Variants in RYR2 observed in about 807,000 individuals in gnomAD.
RYR2 encodes the protein ryanodine receptor 2, also known as cardiac muscle ryanodine receptor-calcium release channel.
Under a neutral mutation model 601.1 loss-of-function variants are expected in RYR2, and 227 were observed. The observed-to-expected ratio is 0.38, with a 90% CI of 0.34 to 0.42. RYR2 has a LOEUF of 0.42. Ranked by LOEUF, RYR2 falls within the 10% of genes least tolerant of loss-of-function variation. The pLI is 1.00. For synonymous variants in RYR2, 2,223 were observed against 2,175.1 expected, an observed-to-expected ratio of 1.02 and a Z score of -0.61; for missense variants, 4,646 against 6,156.5, an observed-to-expected ratio of 0.75 and a Z score of 8.21.
intron 47 of RYR2, among the ~76,000 whole-genome samples, chr1:237,641,546 T>TA (rs1681542679): frequency 6.8e-6 from 1 of 147,296 alleles, no homozygotes; most frequent in Non-Finnish European, 1.5e-5. Flanking sequence ...TTTTCTCTCT[T>TA]TTTTTTTTTA....
At chr1:237,608,802 T>TG (rs889617057) in intron 35 of RYR2, among the ~76,000 whole-genome samples, 5 of 123,422 alleles carry the variant, frequency 4.1e-5, no homozygotes, top group African/African-American at 2.4e-4. Flanking sequence ...ACCTGTTTTT[T>TG]TTTTTTTTTT....
At chr1:237,054,040 A>G (rs1013348258) in intron 1 of RYR2, among the ~76,000 whole-genome samples, 1 of 152,224 alleles carries the variant, frequency 6.6e-6, no homozygotes, top group Non-Finnish European at 1.5e-5. Flanking sequence ...GGTTAATTGC[A>G]TTAATACAGA....
intron 98 of RYR2, among the ~76,000 whole-genome samples, chr1:237,804,671 AGTATTATTAGGT>A (rs558829593): frequency 2.2e-4 from 33 of 152,286 alleles, no homozygotes; most frequent in African/African-American, 7.2e-4. Flanking sequence ...CAGTACCAAT[AGTATTATTAGGT>A]GTATTATAGC....
At chr1:237,468,244 G>A (rs936677752) in intron 16 of RYR2, among the ~76,000 whole-genome samples, 1 of 152,092 alleles carries the variant, frequency 6.6e-6, no homozygotes, top group Admixed American at 6.5e-5. Context: ...CCATCCTCTT[G>A]TAAGCAATTA....
chr1:237,630,354 C>A (rs1350805813), intron 41 of RYR2, among the ~76,000 whole-genome samples: 1 of 152,106 alleles, frequency 6.6e-6, no homozygotes, highest in East Asian at 1.9e-4. Context: ...CCCTTGTTTA[C>A]CTTAGTTTGT....
chr1:237,665,347 C>G lies in RYR2; in HGVS notation c.8437-1165C>G, dbSNP rs533709816. 1.1e-4 allele frequency among the ~76,000 whole-genome samples: 14 copies of G among 132,904 alleles called. No homozygotes were observed. In the East Asian group the frequency reaches 2.9e-3, roughly 28 times the overall value. The allele number at this position is 132,904 out of a possible 152,430, so 87.2% of individuals were successfully genotyped here. A position where few individuals can be genotyped will look rare whatever the true frequency, so the allele number is the denominator to read the frequency against. ...CTGGGAGGCAGAGGTTGCAGCGAGTCAAGATCGTGCCACTGCACTCCAGCC... is the reference window on the plus strand; with the variant it reads ...CTGGGAGGCAGAGGTTGCAGCGAGTGAAGATCGTGCCACTGCACTCCAGCC... On this transcript the variant is annotated intron_variant, in intron 56 of 104. Transcript: ENST00000366574.
chr1:237,739,887 A>G (rs1691464029), intron 79 of RYR2, among the ~76,000 whole-genome samples: 1 of 152,220 alleles, frequency 6.6e-6, no homozygotes, highest in South Asian at 2.1e-4. Context: ...TTACTGTGTT[A>G]TGTATTCGTG....
chr1:237,501,086 C>T (rs189867640), intron 21 of RYR2, among the ~76,000 whole-genome samples, 183 bp downstream of exon 21: 1 of 151,816 alleles, frequency 6.6e-6, no homozygotes, highest in Non-Finnish European at 1.5e-5. Context: ...GGGCATCCTG[C>T]AAGGCTGAAT....
intron 1 of RYR2, among the ~76,000 whole-genome samples, chr1:237,126,443 T>C (rs901542855): frequency 2.6e-5 from 4 of 152,140 alleles, no homozygotes; most frequent in Admixed American, 2.6e-4. Context: ...GAGCCCTCCA[T>C]GCCCCTCTTG....
intron 25 of RYR2, among the ~76,000 whole-genome samples, chr1:237,539,008 TA>T (rs1483528269): frequency 2.6e-5 from 4 of 152,130 alleles, no homozygotes; most frequent in Non-Finnish European, 4.4e-5. Flanking sequence ...CGGATGACTT[TA>T]AAGGTCCATT....
At chr1:237,309,961 C>T (rs1694361356) in intron 2 of RYR2, among the ~76,000 whole-genome samples, 3 of 152,204 alleles carry the variant, frequency 2.0e-5, no homozygotes. Context: ...GCACAAGCGC[C>T]ACGCGCAGCT....
At chr1:237,502,098 T>C (rs1347039033) in intron 21 of RYR2, among the ~76,000 whole-genome samples, 2 of 152,122 alleles carry the variant, frequency 1.3e-5, no homozygotes, top group African/African-American at 4.8e-5. Context: ...CTGGAGGCTG[T>C]AGTAACCTGT....
At chr1:237,381,512 C>T (rs72765933) in intron 8 of RYR2, among the ~76,000 whole-genome samples, 2,642 of 152,212 alleles carry the variant, frequency 0.017, 58 homozygotes, top group Non-Finnish European at 0.02. Flanking sequence ...TTTTACAACT[C>T]CTTGGTGATC....
Position 237,610,809 on chromosome 1 carries a change from C to T in RYR2, c.4731C>T (p.Asn1577=), listed in dbSNP as rs1677763044. The T allele has an allele frequency of 1.2e-6, 2 of 1,611,028 alleles. No individual in the cohort carries two copies. Among genetic ancestry groups the T allele is most frequent in the South Asian group, 1.1e-5 (1 of 90,434 alleles). The change falls in exon 36 of 105, where the codon AAC becomes AAT. Residue 1577 remains asparagine (N), a synonymous_variant. Transcript: ENST00000366574. The surrounding 1 kb of genome is among the most constrained non-coding windows in gnomAD (Gnocchi z 4.9). ...GATTATTCAAGAGTGAGCACAAGAA[C>T]CCCGTGCCGCAGTGCCCCCCGCGCC... The part of the protein sequence containing the change: ...SAGLFKSEHK[N]PVPQCPPRLH...
intron 1 of RYR2, among the ~76,000 whole-genome samples, chr1:237,097,116 T>A (rs1025167532): frequency 2.6e-5 from 4 of 152,242 alleles, no homozygotes; most frequent in African/African-American, 9.6e-5. Flanking sequence ...AACTTCTAGA[T>A]GGCATATATT....
rs560404021 is a variant in RYR2 at position 237,816,603 on chromosome 1, C to T, written c.14434-2433C>T. ...ACTTGGGAGGCTGAGGCAGGAGAATCGCTTGAACCCAGGAGGCGGAGGTTG... is the reference window on the plus strand; with the variant it reads ...ACTTGGGAGGCTGAGGCAGGAGAATTGCTTGAACCCAGGAGGCGGAGGTTG... On this transcript the variant is annotated intron_variant, in intron 100 of 104. Transcript: ENST00000366574. Among the ~76,000 whole-genome samples, 33 of 151,684 alleles carry T rather than the reference C, an allele frequency of 2.2e-4. 1 individual carries two copies. The East Asian group carries it at 5.8e-3, about 27-fold the overall frequency.
chr1:237,203,403 G>C (rs1479577409), intron 1 of RYR2, among the ~76,000 whole-genome samples: 2 of 152,162 alleles, frequency 1.3e-5, no homozygotes, highest in African/African-American at 2.4e-5. Flanking sequence ...TAGAGGAAAT[G>C]AGTATTTTCA....
Position 237,111,444 on chromosome 1 carries a change from C to T in RYR2, c.48+68875C>T, listed in dbSNP as rs182048692. On this transcript the variant is annotated intron_variant, in intron 1 of 104. Transcript: ENST00000366574. ...CTCTACCAAAAATACAAAAATTAGC[C>T]GGGCGCGGTGGCAGGTGCCTGTTGT... Among the ~76,000 whole-genome samples the T allele has an allele frequency of 1.1e-3, 174 of 152,100 alleles. 3 individuals are homozygous for T. The highest frequency in any genetic ancestry group is 2.0e-3 in the Non-Finnish European group (134 of 67,990).
At chr1:237,430,290 A>G (rs1250992288) in intron 12 of RYR2, among the ~76,000 whole-genome samples, 1 of 151,436 alleles carries the variant, frequency 6.6e-6, no homozygotes, top group East Asian at 1.9e-4. Flanking sequence ...TTGATCTGGA[A>G]AAATATCCAT....
Sources: gnomAD v4.1 joint callset for allele counts (sites outside exome capture counted in the v4.1 genomes callset) on GRCh38, gnomAD v4.1.1 for gene constraint, Gnocchi (gnomAD v3.1) non-coding constraint, MANE v1.5 for transcripts, NCBI Gene and HGNC (gene_info 2026-07-23, HGNC 2026-07-21) for gene names.